HSPA4L: variants seen among roughly 807,000 people sequenced by gnomAD.
HSPA4L encodes heat shock 70 kDa protein 4L.
HSPA4L carries 48 observed loss-of-function variants against 100.3 expected under a neutral mutation model. That is an observed-to-expected ratio of 0.48 (90% CI 0.38 to 0.61). The LOEUF (loss-of-function observed/expected upper bound fraction) is 0.61, where lower values mean the gene tolerates loss of function less well. Among genes scored for constraint, HSPA4L ranks in the 20% least tolerant of loss-of-function variants. HSPA4L has a pLI of 0.00. For synonymous variants in HSPA4L, 319 were observed against 328.2 expected, an observed-to-expected ratio of 0.97 and a Z score of 0.30; for missense variants, 886 against 988.6, an observed-to-expected ratio of 0.90 and a Z score of 1.39.
intron 12 of HSPA4L, chr4:127,813,337 G>A (rs2148792618): frequency 1.6e-6 from 1 of 621,814 alleles, no homozygotes; most frequent in African/African-American, 1.8e-5. Context: ...CTTCCAAATT[G>A]ATCAGAATTC....
chr4:127,783,416 T>G, intron 1 of HSPA4L: 1 of 1,124,004 alleles, frequency 8.9e-7, no homozygotes, highest in South Asian at 2.3e-5. Context: ...ATTGCCGGAG[T>G]CGGGGGCAGC....
chr4:127,826,967 T>C (rs1733964603), intron 16 of HSPA4L, among the ~76,000 whole-genome samples: 1 of 152,200 alleles, frequency 6.6e-6, no homozygotes, highest in South Asian at 2.1e-4. Context: ...ATCTACAAAT[T>C]CTGCATGCAG....
At chr4:127,796,959 A>C (rs1405902900) in intron 3 of HSPA4L, among the ~76,000 whole-genome samples, 1 of 152,240 alleles carries the variant, frequency 6.6e-6, no homozygotes, top group Non-Finnish European at 1.5e-5. Context: ...TGTGCAAATT[A>C]TCTCTTAAGA....
At chr4:127,783,310 G>A (rs540983685) in intron 1 of HSPA4L, among the ~76,000 whole-genome samples, 2 of 152,000 alleles carry the variant, frequency 1.3e-5, no homozygotes, top group South Asian at 2.1e-4. Flanking sequence ...GGAGAGCCTC[G>A]GGATGGGAGT....
chr4:127,817,248 TAG>T (rs1360448074), intron 12 of HSPA4L, among the ~76,000 whole-genome samples: 1 of 152,032 alleles, frequency 6.6e-6, no homozygotes, highest in African/African-American at 2.4e-5. Context: ...GTATTTTTAG[TAG>T]AGACAGGGTT....
In HSPA4L at chr4:127,811,432, T is replaced by G; in HGVS notation, c.1379-5T>G. On this transcript the variant is annotated splice_region_variant and splice_polypyrimidine_tract_variant and intron_variant, in intron 11 of 18. Transcript: ENST00000296464. ...CATACTGATTGGAGTTCTTTTTTCC[T>G]TAAGGGAGCTTCACTATTCAGAATG... The G allele has an allele frequency of 3.1e-6, 5 of 1,612,338 alleles. No individual in the cohort carries two copies. Among genetic ancestry groups the G allele is most frequent in the Non-Finnish European group, 4.2e-6 (5 of 1,178,568 alleles).
At chr4:127,814,028 C>T (rs747981950) in intron 12 of HSPA4L, among the ~76,000 whole-genome samples, 1 of 152,098 alleles carries the variant, frequency 6.6e-6, no homozygotes, top group African/African-American at 2.4e-5. Context: ...GAAAATACAA[C>T]AAGAATATTA....
rs1321750919 is a variant in HSPA4L, at chr4:127,782,495, A to G, written c.-56A>G. On this transcript the variant is annotated 5_prime_UTR_variant, in exon 1 of 19. Coordinates refer to ENST00000296464, the MANE Select transcript of HSPA4L (RefSeq NM_014278.4). Reference sequence around the variant, plus strand: ...CCCAGCAGCAATAGCCCAGAAGAGGACACGGTTCCCGTACCGAAGGGTTCA... The same window carrying G: ...CCCAGCAGCAATAGCCCAGAAGAGGGCACGGTTCCCGTACCGAAGGGTTCA... The G allele has an allele frequency of 4.2e-6, 6 of 1,425,990 alleles. No individual in the cohort carries two copies. The highest frequency in any genetic ancestry group is 5.9e-6 in the Non-Finnish European group (6 of 1,010,902). 88.3% of individuals were successfully genotyped at this position (1,425,990 alleles called of 1,614,324 possible).
intron 8 of HSPA4L, among the ~76,000 whole-genome samples, chr4:127,804,322 C>G (rs1733285167): frequency 6.6e-6 from 1 of 152,006 alleles, no homozygotes; most frequent in South Asian, 2.1e-4. Flanking sequence ...CATGCTAGTT[C>G]TGGCCAAGCA....
chr4:127,832,958 C>CG lies in HSPA4L; in HGVS notation c.*84_*85insG. On this transcript the variant is annotated 3_prime_UTR_variant, in exon 19 of 19. Transcript: ENST00000296464. ...TTACATCTGGTACACACAACAGACG[C>CG]TCAGTTGTTCTTAACCACTTTTGTC... 3 of 957,818 alleles carry CG rather than the reference C, an allele frequency of 3.1e-6. No individual in the cohort carries two copies. Among genetic ancestry groups the CG allele is most frequent in the Non-Finnish European group, 4.5e-6 (3 of 666,652 alleles). 59.3% of individuals were successfully genotyped at this position (957,818 alleles called of 1,614,324 possible).
Position 127,807,999 on chromosome 4 carries a change from A to G in HSPA4L, c.1248A>G (p.Glu416=). 6.2e-7 allele frequency: 1 copy of G among 1,607,794 alleles called. No homozygotes were observed. Residue 416 remains glutamate, a synonymous_variant, in exon 11 of 19, where the codon GAA becomes GAG. Transcript: ENST00000296464. ...GAGTTCTTTCCCTCCATTTTAGGGAATGTGAAGTTTTCTGTAAGAACCATC... is the reference window on the plus strand; with the variant it reads ...GAGTTCTTTCCCTCCATTTTAGGGAGTGTGAAGTTTTCTGTAAGAACCATC... The part of the protein sequence containing the change: ...WKTSFEDGSG[E]CEVFCKNHPA...
intron 1 of HSPA4L, among the ~76,000 whole-genome samples, chr4:127,793,314 C>A (rs889593308): frequency 2.0e-4 from 31 of 152,022 alleles, no homozygotes; most frequent in Admixed American, 2.0e-4. Flanking sequence ...ATTCATAATT[C>A]TATATATTCT....
At chr4:127,801,697 C>T in intron 5 of HSPA4L, 88 bp from the exon 6 acceptor site, 2 of 989,374 alleles carry the variant, frequency 2.0e-6, no homozygotes, top group Non-Finnish European at 3.0e-6. Flanking sequence ...TACTATACTG[C>T]ATATTAAAGT....
At chr4:127,785,999 T>C (rs1240600968) in intron 1 of HSPA4L, among the ~76,000 whole-genome samples, 1 of 152,152 alleles carries the variant, frequency 6.6e-6, no homozygotes, top group Non-Finnish European at 1.5e-5. Flanking sequence ...AGAATTTCCA[T>C]CCCAGGCTTA....
At chr4:127,815,557 T>C in intron 12 of HSPA4L, among the ~76,000 whole-genome samples, 1 of 152,146 alleles carries the variant, frequency 6.6e-6, no homozygotes, top group Admixed American at 6.5e-5. Flanking sequence ...AGAAACTATA[T>C]GCTATTCATC....
chr4:127,818,505 G>C, intron 13 of HSPA4L, 85 bp downstream of exon 13: 2 of 706,292 alleles, frequency 2.8e-6, no homozygotes, highest in Non-Finnish European at 4.6e-6. Flanking sequence ...TAACGCACTT[G>C]ATATTTTTGA....
chr4:127,818,564 A>G (rs543447051), intron 13 of HSPA4L, 144 bp downstream of exon 13: 12 of 499,382 alleles, frequency 2.4e-5, no homozygotes, highest in Non-Finnish European at 3.2e-5. Context: ...GAATAAATAT[A>G]CTTTAATGAT....
intron 1 of HSPA4L, among the ~76,000 whole-genome samples, chr4:127,790,818 T>C (rs1429071448): frequency 3.9e-5 from 6 of 152,188 alleles, no homozygotes; most frequent in Admixed American, 3.9e-4. Flanking sequence ...ATGAGCTACA[T>C]AGGTAATTTT....
rs555382307 is a variant in HSPA4L, at chr4:127,814,824, C to CA, written c.1578+3191dup. On this transcript the variant is annotated intron_variant, in intron 12 of 18. Coordinates refer to ENST00000296464, the MANE Select transcript of HSPA4L (RefSeq NM_014278.4). ...TTGTGATCCACCAGCCTCTACCTCC[C>CA]AAAGTGCTGGGATTACAGGCGTGAG... Among the ~76,000 whole-genome samples the CA allele has an allele frequency of 2.8e-3, 419 of 152,274 alleles. 2 individuals carry two copies. Among genetic ancestry groups the CA allele is most frequent in the African/African-American group, 9.2e-3 (383 of 41,568 alleles).
Sources: gnomAD v4.1 joint callset for allele counts (sites outside exome capture counted in the v4.1 genomes callset) on GRCh38, gnomAD v4.1.1 for gene constraint, MANE v1.5 for transcripts, NCBI Gene and HGNC (gene_info 2026-07-23, HGNC 2026-07-21) for gene names.